The following DDX20 variants were observed in gnomAD, a reference collection of about 807,000 sequenced individuals.
DDX20 encodes the protein DEAD-box helicase 20, also known as probable ATP-dependent RNA helicase DDX20.
Under a neutral mutation model 76.4 loss-of-function variants are expected in DDX20, and 61 were observed. The observed-to-expected ratio is 0.80, with a 90% CI of 0.65 to 0.99. The LOEUF (loss-of-function observed/expected upper bound fraction) is 0.99. Among genes scored for constraint, DDX20 ranks in the 50% least tolerant of loss-of-function variants. DDX20 has a pLI of 0.00. For synonymous variants in DDX20, 357 were observed against 357.4 expected (o/e 1.00, Z 0.01); for missense variants, 976 against 996.8 (o/e 0.98, Z 0.28).
intron 2 of DDX20, among the ~76,000 whole-genome samples, chr1:111,757,796 G>C (rs764365916): frequency 2.6e-5 from 4 of 152,166 alleles, no homozygotes; most frequent in Non-Finnish European, 4.4e-5. Flanking sequence ...AGATGTATTT[G>C]AGATTTTGGC....
rs764811129 is a variant in DDX20, at chr1:111,766,502, G to C, written c.2078G>C (p.Arg693Pro). Residue 693 changes from arginine (R) to proline (P), a missense_variant, in exon 11 of 11, where the codon CGT becomes CCT. Arg to Pro is a moderately radical substitution (Grantham distance 103). This residue lies in a region of DDX20 where 630 missense variants were observed against 693.7 expected (regional missense o/e 0.91). Coordinates refer to ENST00000369702, the MANE Select transcript of DDX20 (RefSeq NM_007204.5). Reference sequence around the variant, plus strand: ...TCTGAATCTACGCCTGTGGATGATCGTATTTCTTTGGAACAACCACCAAAT... The same window carrying C: ...TCTGAATCTACGCCTGTGGATGATCCTATTTCTTTGGAACAACCACCAAAT... ...KDSESTPVDD[R>P]ISLEQPPNGS... The C allele has an allele frequency of 1.2e-6, 2 of 1,614,102 alleles. No homozygotes were observed. The highest frequency in any genetic ancestry group is 8.5e-7 in the Non-Finnish European group (1 of 1,180,010).
At position 111,756,041 on chromosome 1, in the gene DDX20, C is replaced by T. The variant is rs1259678559; in HGVS notation, c.117C>T (p.Ile39=). 2 of 1,609,888 alleles carry T rather than the reference C, an allele frequency of 1.2e-6. No individual in the cohort carries two copies. Among genetic ancestry groups the T allele is most frequent in the Non-Finnish European group, 1.7e-6 (2 of 1,179,032 alleles). ...APEPTPGPVR[I]LRTAQDLSSP... is the part of the protein sequence containing the mutation. Reference sequence around the variant, plus strand: ...AGCCAACACCCGGGCCTGTGAGGATCCTGCGGACCGCTCAGGATCTCAGCA... The same window carrying T: ...AGCCAACACCCGGGCCTGTGAGGATTCTGCGGACCGCTCAGGATCTCAGCA... The change falls in exon 1 of 11, where the codon ATC becomes ATT. Residue 39 remains isoleucine (I), a synonymous_variant. Transcript: ENST00000369702.
intron 10 of DDX20, among the ~76,000 whole-genome samples, chr1:111,763,414 A>G (rs897948706): frequency 6.6e-6 from 1 of 152,174 alleles, no homozygotes; most frequent in Non-Finnish European, 1.5e-5. Flanking sequence ...TCTACTAAAA[A>G]TACAAAAATT....
chr1:111,763,274 A>G (rs748489080), intron 10 of DDX20, among the ~76,000 whole-genome samples: 12 of 152,216 alleles, frequency 7.9e-5, no homozygotes, highest in Admixed American at 1.3e-4. Flanking sequence ...CCACTGGCAC[A>G]TGAAAAATGA....
At position 111,762,710 on chromosome 1, in the gene DDX20, C is replaced by T. The variant is rs961887852; in HGVS notation, c.1138C>T (p.Leu380=). 1 of 1,613,076 alleles carries T rather than the reference C, an allele frequency of 6.2e-7. No individual in the cohort carries two copies. Among genetic ancestry groups the T allele is most frequent in the East Asian group, 2.2e-5 (1 of 44,846 alleles). The change falls in exon 9 of 11, where the codon CTG becomes TTG. Residue 380 remains leucine, a synonymous_variant. Transcript: ENST00000369702. ...SRGIDAEKVN[L]VVNLDVPLDW... ...TGGGATTGATGCTGAGAAGGTGAAT[C>T]TGGTTGTAAATCTGGATGTACCATT... is the stretch of plus-strand genomic sequence containing the variant.
Position 111,760,761 on chromosome 1 carries a change from T to C in DDX20, c.736T>C (p.Tyr246His). ...ACAGATGCTGGCAGTATCAGCTACTTATCCCGAATTTTTGGCTAATGCTTT... is the reference window on the plus strand; with the variant it reads ...ACAGATGCTGGCAGTATCAGCTACTCATCCCGAATTTTTGGCTAATGCTTT... Reference protein sequence around the residue: ...SKQMLAVSATYPEFLANALTK... With the variant: ...SKQMLAVSATHPEFLANALTK... Residue 246 changes from tyrosine (Y) to histidine (H), a missense_variant, in exon 5 of 11, where the codon TAT (tyrosine) becomes CAT (histidine). Transcript: ENST00000369702. 1.8e-5 allele frequency: 29 copies of C among 1,613,826 alleles called. No individual in the cohort carries two copies. The highest frequency in any genetic ancestry group is 2.4e-5 in the Non-Finnish European group (28 of 1,179,908).
rs765904347 is a variant in DDX20, at chr1:111,765,775, T to G, written c.1351T>G (p.Trp451Gly). 1.2e-6 allele frequency: 2 copies of G among 1,608,108 alleles called. No individual in the cohort carries two copies. Among genetic ancestry groups the G allele is most frequent in the Admixed American group, 3.4e-5 (2 of 58,580 alleles). The change falls in exon 11 of 11, where the codon TGG (tryptophan) becomes GGG (glycine). Residue 451 changes from tryptophan to glycine, a missense_variant. Trp to Gly is a radical substitution (Grantham distance 184, BLOSUM62 -2). This residue lies in a region of DDX20 where 630 missense variants were observed against 693.7 expected (regional missense o/e 0.91). Coordinates refer to ENST00000369702, the MANE Select transcript of DDX20 (RefSeq NM_007204.5). ...TGGTCTGATGGAAGAATGTGTGGATTGGGATGTGGAAGTTAAAGCTGCTGT... is the reference window on the plus strand; with the variant it reads ...TGGTCTGATGGAAGAATGTGTGGATGGGGATGTGGAAGTTAAAGCTGCTGT... ...PSGLMEECVD[W>G]DVEVKAAVHT... is the part of the protein sequence containing the mutation.
chr1:111,767,638 G>T lies in DDX20; in HGVS notation c.*739G>T, dbSNP rs2101429333. ...CAGCTCTTAATCTTTTTTGGTTCTTGGATCCTTTTATGAATCAGCTGATAG... is the reference window on the plus strand; with the variant it reads ...CAGCTCTTAATCTTTTTTGGTTCTTTGATCCTTTTATGAATCAGCTGATAG... On this transcript the variant is annotated 3_prime_UTR_variant, in exon 11 of 11. Coordinates refer to ENST00000369702, the MANE Select transcript of DDX20 (RefSeq NM_007204.5). The T allele has an allele frequency of 1.3e-5, 2 of 152,090 alleles. No homozygotes were observed. Among genetic ancestry groups the T allele is most frequent in the South Asian group, 4.2e-4 (2 of 4,812 alleles). 9.4% of individuals were successfully genotyped at this position (152,090 alleles called of 1,614,324 possible). A position where few individuals can be genotyped will look rare whatever the true frequency, so the allele number is the denominator to read the frequency against.
chr1:111,766,763 A>G lies in DDX20; in HGVS notation c.2339A>G (p.Tyr780Cys). The G allele has an allele frequency of 6.2e-7, 1 of 1,614,216 alleles. No homozygotes were observed. The highest frequency in any genetic ancestry group is 8.5e-7 in the Non-Finnish European group (1 of 1,180,016). ...GATTATGAGGAGTACTGGAGAGCTT[A>G]CTACAGGGCATGGCAAGAATATTAT... ...YQDYEEYWRA[Y>C]YRAWQEYYAA... is the part of the protein sequence containing the mutation. Residue 780 changes from tyrosine to cysteine, a missense_variant, in exon 11 of 11, where the codon TAC becomes TGC. Tyr to Cys is a radical substitution (Grantham distance 194). Transcript: ENST00000369702.
At chr1:111,762,547 C>T in intron 8 of DDX20, 130 bp from the exon 9 acceptor site, 1 of 890,546 alleles carries the variant, frequency 1.1e-6, no homozygotes, top group African/African-American at 1.7e-5. Flanking sequence ...GAATGAATTT[C>T]CTTTTCCTCT....
Position 111,766,094 on chromosome 1 carries a change from C to T in DDX20, c.1670C>T (p.Ser557Phe). The T allele has an allele frequency of 6.2e-7, 1 of 1,614,180 alleles. No homozygotes were observed. Among genetic ancestry groups the T allele is most frequent in the Non-Finnish European group, 8.5e-7 (1 of 1,180,026 alleles). The change falls in exon 11 of 11, where the codon TCC (serine) becomes TTC (phenylalanine). Residue 557 changes from serine to phenylalanine, a missense_variant. Transcript: ENST00000369702. ...TCTGTTCAGACTCCCGTTGAAAACT[C>T]CACCAACAGTCAGCACCAGGTCAAA... The part of the protein sequence containing the change: ...KNSVQTPVEN[S>F]TNSQHQVKEA...
At chr1:111,756,429 C>CT (rs932489023) in intron 1 of DDX20, among the ~76,000 whole-genome samples, 2 of 152,182 alleles carry the variant, frequency 1.3e-5, no homozygotes, top group African/African-American at 4.8e-5. Context: ...TAGTTAAGAC[C>CT]TTTTTTTAAG....
In DDX20 at chr1:111,755,951, A is replaced by T. The variant is rs1663534603; in HGVS notation, c.27A>T (p.Gly9=). The T allele has an allele frequency of 6.3e-7, 1 of 1,586,892 alleles. No individual in the cohort carries two copies. The highest frequency in any genetic ancestry group is 1.3e-5 in the African/African-American group (1 of 74,420). MAAAFEAS[G]ALAAVATAMP... is the part of the protein sequence containing the mutation. ...TGGCGGCGGCATTTGAAGCCTCGGG[A>T]GCCTTAGCAGCAGTGGCGACTGCTA... Residue 9 remains glycine (G), a synonymous_variant, in exon 1 of 11, where the codon GGA becomes GGT. Coordinates refer to ENST00000369702, the MANE Select transcript of DDX20 (RefSeq NM_007204.5).
chr1:111,762,431 A>G (rs2101421732), intron 8 of DDX20, 94 bp downstream of exon 8: 2 of 1,030,658 alleles, frequency 1.9e-6, no homozygotes, highest in East Asian at 4.8e-5. Context: ...ATGTAGGCGT[A>G]TCTAACAAGA....
intron 1 of DDX20, 152 bp from the exon 2 acceptor site, chr1:111,756,494 G>A: frequency 1.4e-6 from 1 of 705,542 alleles, no homozygotes; most frequent in Non-Finnish European, 2.4e-6. Context: ...TCAGGGACTA[G>A]GCGTGTTCTC....
At chr1:111,762,808 T>C in intron 9 of DDX20, 26 bp downstream of exon 9, 1 of 1,543,302 alleles carries the variant, frequency 6.5e-7, no homozygotes, top group Non-Finnish European at 8.9e-7. Flanking sequence ...AAAGTTTGAG[T>C]GCTTTCTTTA....
In DDX20 at chr1:111,762,248, C is replaced by T. The variant is rs373293606; in HGVS notation, c.1022-7C>T. Reference sequence around the variant, plus strand: ...TTTTATGTGACTTTCTTTTGGGGTCCTTTTAGGCAATATGAATCAGAATCA... The same window carrying T: ...TTTTATGTGACTTTCTTTTGGGGTCTTTTTAGGCAATATGAATCAGAATCA... On this transcript the variant is annotated splice_polypyrimidine_tract_variant and splice_region_variant and intron_variant, in intron 7 of 10. Coordinates refer to ENST00000369702, the MANE Select transcript of DDX20 (RefSeq NM_007204.5). 4.8e-5 allele frequency: 77 copies of T among 1,607,910 alleles called. No individual in the cohort carries two copies. Among genetic ancestry groups the T allele is most frequent in the Admixed American group, 8.5e-5 (5 of 58,480 alleles).
At position 111,765,977 on chromosome 1, in the gene DDX20, T is replaced by G. The variant is rs1663769743; in HGVS notation, c.1553T>G (p.Val518Gly). ...AATAATACCAAACAAAAGCTTCCTG[T>G]GAAAAGCCACTCAGAATGTGGAATC... ...SKNNTKQKLP[V>G]KSHSECGIIE... is the part of the protein sequence containing the mutation. Residue 518 changes from valine (V) to glycine (G), a missense_variant, in exon 11 of 11, where the codon GTG becomes GGG. Around this residue, in one of 3 missense-constraint regions of DDX20, gnomAD observed 630 missense variants for 693.7 expected, o/e 0.91. Coordinates refer to ENST00000369702, the MANE Select transcript of DDX20 (RefSeq NM_007204.5). 1 of 1,613,830 alleles carries G rather than the reference T, an allele frequency of 6.2e-7. No individual in the cohort carries two copies. The highest frequency in any genetic ancestry group is 2.2e-5 in the East Asian group (1 of 44,886).
At position 111,761,071 on chromosome 1, in the gene DDX20, T is replaced by G; in HGVS notation, c.908T>G (p.Leu303Arg). The change falls in exon 6 of 11, where the codon CTG becomes CGG. Residue 303 changes from leucine to arginine, a missense_variant. This residue lies in a region of DDX20 where 630 missense variants were observed against 693.7 expected (regional missense o/e 0.91). Transcript: ENST00000369702. ...GAAAAGACTCAGCATTTACAGGAAC[T>G]GTTCAGCAGAATTCCATTTAATCAA... ...FEEKTQHLQE[L>R]FSRIPFNQAL... is the part of the protein sequence containing the mutation. 1 of 1,614,014 alleles carries G rather than the reference T, an allele frequency of 6.2e-7. No homozygotes were observed. Among genetic ancestry groups the G allele is most frequent in the Non-Finnish European group, 8.5e-7 (1 of 1,179,926 alleles).
Sources: allele counts gnomAD v4.1 joint callset (sites outside exome capture counted in the v4.1 genomes callset), GRCh38; gene constraint gnomAD v4.1.1; regional missense constraint gnomAD v4.1.1; transcripts MANE v1.5; gene names NCBI Gene and HGNC (gene_info 2026-07-23, HGNC 2026-07-21).